NRXN3: variants seen among roughly 807,000 people sequenced by gnomAD.
The protein encoded by NRXN3 is neurexin III.
NRXN3 carries 32 observed loss-of-function variants against 137.6 expected under a neutral mutation model. The observed-to-expected ratio is 0.23, with a 90% confidence interval of 0.18 to 0.31. The LOEUF is 0.31. Ranked by LOEUF, NRXN3 falls within the 10% of genes least tolerant of loss-of-function variation. The probability of loss-of-function intolerance (pLI) is 1.00; values close to 1 mark genes in which losing one functional copy is unlikely to be tolerated. For missense variants in NRXN3, 1,574 were observed against 2,062.5 expected (o/e 0.76, Z 4.59); for synonymous variants, 798 against 784.5 (o/e 1.02, Z -0.29).
intron 16 of NRXN3, among the ~76,000 whole-genome samples, chr14:79,482,203 TC>T (rs1444675894): frequency 2.6e-5 from 4 of 152,342 alleles, no homozygotes; most frequent in African/African-American, 9.6e-5. Flanking sequence ...TCATTTAAAC[TC>T]TAAACTAAAT....
intron 15 of NRXN3, among the ~76,000 whole-genome samples, chr14:79,301,608 G>A (rs1372715387): frequency 6.6e-6 from 1 of 151,994 alleles, no homozygotes; most frequent in African/African-American, 2.4e-5. Context: ...TCAAACCCTT[G>A]CACATCATCC....
chr14:78,273,167 C>T (rs1232211197), intron 2 of NRXN3, among the ~76,000 whole-genome samples: 1 of 152,134 alleles, frequency 6.6e-6, no homozygotes, highest in African/African-American at 2.4e-5. Flanking sequence ...CTCTGATGGG[C>T]TGATACTGCC....
intron 15 of NRXN3, among the ~76,000 whole-genome samples, chr14:79,125,013 TAC>T (rs2056148535): frequency 6.6e-6 from 1 of 152,248 alleles, no homozygotes; most frequent in Admixed American, 6.5e-5. Context: ...ATTTGTTTTG[TAC>T]ATTTTGTACA....
intron 15 of NRXN3, among the ~76,000 whole-genome samples, chr14:79,443,328 A>G (rs2096000058): frequency 6.6e-6 from 1 of 152,214 alleles, no homozygotes; most frequent in Non-Finnish European, 1.5e-5. Flanking sequence ...TGGAGAAGCT[A>G]ACTCATTTTC....
chr14:78,731,597 GTA>G (rs200673205), intron 8 of NRXN3, among the ~76,000 whole-genome samples: 74 of 129,070 alleles, frequency 5.7e-4, no homozygotes, highest in African/African-American at 1.8e-3. Context: ...TTGGGAATGT[GTA>G]TATATATATG....
intron 16 of NRXN3, among the ~76,000 whole-genome samples, chr14:79,526,108 C>T (rs570260340): frequency 7.6e-4 from 115 of 152,196 alleles, no homozygotes; most frequent in Middle Eastern, 3.4e-3. Flanking sequence ...AGTGCAATGG[C>T]GTGATCTCGG....
chr14:78,989,465 C>T lies in NRXN3; in HGVS notation c.3262+1324C>T, dbSNP rs191508662. On this transcript the variant is annotated intron_variant, in intron 15 of 20. Coordinates refer to ENST00000335750, the MANE Select transcript of NRXN3 (RefSeq NM_001330195.2). ...AATATAGAGAGAAAATTATGTAATA[C>T]GCATTCATCTAATTACATAAGCATA... Among the ~76,000 whole-genome samples the T allele has an allele frequency of 1.7e-3, 253 of 152,180 alleles. 1 individual carries two copies. The highest frequency in any genetic ancestry group is 4.3e-3 in the Admixed American group (65 of 15,258).
chr14:79,289,870 T>G (rs1019291165), intron 15 of NRXN3, among the ~76,000 whole-genome samples: 5 of 152,144 alleles, frequency 3.3e-5, no homozygotes, highest in African/African-American at 4.8e-5. Flanking sequence ...ACCAGGATCT[T>G]GTTTGAAGAC....
intron 10 of NRXN3, among the ~76,000 whole-genome samples, chr14:78,867,086 C>T (rs1425063900): frequency 3.3e-5 from 5 of 151,988 alleles, no homozygotes; most frequent in Admixed American, 6.6e-5. Context: ...CGTGGGCCAC[C>T]GCACCTGGCA....
At chr14:78,778,216 G>T (rs1326798907) in intron 8 of NRXN3, among the ~76,000 whole-genome samples, 1 of 152,172 alleles carries the variant, frequency 6.6e-6, no homozygotes, top group Non-Finnish European at 1.5e-5. Flanking sequence ...GTAATTTGTT[G>T]TACTTTATAT....
rs188912760 is a variant in NRXN3, at chr14:79,575,099, A to G, written c.3445-88679A>G. Among the ~76,000 whole-genome samples the G allele has an allele frequency of 6.6e-5, 10 of 152,332 alleles. No individual in the cohort carries two copies. The East Asian group carries it at 1.9e-3, about 29-fold the overall frequency. ...TTTTGTTGAAGTCATGTTTTGGAGTACATTTGTATGCAATCCGTCTGATAA... is the reference window on the plus strand; with the variant it reads ...TTTTGTTGAAGTCATGTTTTGGAGTGCATTTGTATGCAATCCGTCTGATAA... On this transcript the variant is annotated intron_variant, in intron 16 of 20. Coordinates refer to ENST00000335750, the MANE Select transcript of NRXN3 (RefSeq NM_001330195.2).
chr14:78,995,337 G>T (rs2099527721), intron 15 of NRXN3, among the ~76,000 whole-genome samples: 1 of 152,100 alleles, frequency 6.6e-6, no homozygotes. Context: ...TTCATTCTCT[G>T]TTGACCTAGA....
chr14:79,619,525 C>A (rs753841980), intron 16 of NRXN3, among the ~76,000 whole-genome samples: 2 of 151,874 alleles, frequency 1.3e-5, no homozygotes, highest in Admixed American at 1.3e-4. Context: ...CCAAAACTAC[C>A]CAAAGGAATT....
intron 15 of NRXN3, among the ~76,000 whole-genome samples, chr14:79,116,269 C>T (rs992461893): frequency 6.6e-6 from 1 of 152,158 alleles, no homozygotes; most frequent in African/African-American, 2.4e-5. Flanking sequence ...CTGAAAGAAG[C>T]AGTACAGCCG....
intron 20 of NRXN3, among the ~76,000 whole-genome samples, chr14:79,823,603 A>G (rs931234974): frequency 2.6e-5 from 4 of 152,132 alleles, no homozygotes; most frequent in African/African-American, 9.7e-5. Flanking sequence ...AACAACAAAA[A>G]TCGATGCAGA....
At chr14:79,569,842 C>A (rs1317693497) in intron 16 of NRXN3, among the ~76,000 whole-genome samples, 3 of 152,104 alleles carry the variant, frequency 2.0e-5, no homozygotes, top group Non-Finnish European at 4.4e-5. Flanking sequence ...CTCTTGAGCT[C>A]AAGTGATCCG....
At chr14:78,861,488 A>C (rs2099072196) in intron 10 of NRXN3, among the ~76,000 whole-genome samples, 1 of 152,076 alleles carries the variant, frequency 6.6e-6, no homozygotes, top group Non-Finnish European at 1.5e-5. Flanking sequence ...GTTTCCTCTG[A>C]GGTGTTTTGA....
rs571168445 is a variant in NRXN3, at chr14:78,316,765, G to A, written c.757+18905G>A. Among the ~76,000 whole-genome samples, 132 of 152,306 alleles carry A rather than the reference G, an allele frequency of 8.7e-4. 1 individual carries two copies. Among genetic ancestry groups the A allele is most frequent in the African/African-American group, 2.8e-3 (118 of 41,578 alleles). On this transcript the variant is annotated intron_variant, in intron 4 of 20. Transcript: ENST00000335750. ...TTCTAAAAAGTCCAGTAACTCACAT[G>A]ATATGACCAAGACCTAGTGTTTGTC...
At chr14:79,715,152 ACCGTGTTAG>A (rs1180650418) in intron 19 of NRXN3, among the ~76,000 whole-genome samples, 1 of 151,972 alleles carries the variant, frequency 6.6e-6, no homozygotes, top group African/African-American at 2.4e-5. Context: ...ATGGGGTTTC[ACCGTGTTAG>A]CCAGGATGGT....
Sources: gnomAD v4.1 joint callset for allele counts (sites outside exome capture counted in the v4.1 genomes callset) on GRCh38, gnomAD v4.1.1 for gene constraint, MANE v1.5 for transcripts, NCBI Gene and HGNC (gene_info 2026-07-23, HGNC 2026-07-21) for gene names.